The following NRXN1 variants were observed in gnomAD, a reference collection of about 807,000 sequenced individuals.
NRXN1 encodes the protein neurexin-1.
In NRXN1, 39 loss-of-function variants were observed where a neutral mutation model predicts 150.9. That is an observed-to-expected ratio of 0.26 (90% confidence interval 0.20 to 0.34). The LOEUF is 0.34. Ranked by LOEUF, NRXN1 falls within the 10% of genes least tolerant of loss-of-function variation. The probability of loss-of-function intolerance (pLI) is 1.00; values close to 1 mark genes in which losing one functional copy is unlikely to be tolerated. For missense variants in NRXN1, 1,815 were observed against 1,949.9 expected (o/e 0.93, Z 1.30); for synonymous variants, 924 against 757.0 (o/e 1.22, Z -3.62).
chr2:50,182,644 CTCATTCCTTCTTCGAGCTG>C (rs1166098022), intron 18 of NRXN1, among the ~76,000 whole-genome samples: 2 of 152,042 alleles, frequency 1.3e-5, no homozygotes, highest in African/African-American at 4.8e-5. Flanking sequence ...TTAAAACCTG[CTCATTCCTTCTTCGAGCTG>C]TCGCCATCCT....
intron 5 of NRXN1, among the ~76,000 whole-genome samples, chr2:50,794,901 A>T (rs578242583): frequency 1.8e-4 from 28 of 152,266 alleles, no homozygotes; most frequent in African/African-American, 6.5e-4. Context: ...CAGTGAAAAT[A>T]TAATTAGACA....
At chr2:50,198,824 A>G (rs60835435) in intron 18 of NRXN1, among the ~76,000 whole-genome samples, 3,000 of 152,188 alleles carry the variant, frequency 0.02, 104 homozygotes, top group African/African-American at 0.069. Context: ...TTTCTTCTGA[A>G]GAACCCCCTT....
intron 17 of NRXN1, among the ~76,000 whole-genome samples, chr2:50,382,624 T>C (rs1007138540): frequency 6.6e-5 from 10 of 152,152 alleles, no homozygotes; most frequent in African/African-American, 2.4e-4. Context: ...AAGCTTCTCC[T>C]CCTGGACTGG....
At chr2:49,939,549 G>A (rs951610680) in intron 22 of NRXN1, among the ~76,000 whole-genome samples, 15 of 152,150 alleles carry the variant, frequency 9.9e-5, no homozygotes, top group African/African-American at 3.6e-4. Flanking sequence ...AAGTATAATT[G>A]AGTTCCATGT....
chr2:50,876,930 G>T (rs561953982), intron 5 of NRXN1, among the ~76,000 whole-genome samples: 1 of 151,876 alleles, frequency 6.6e-6, no homozygotes, highest in Admixed American at 6.6e-5. Context: ...AAATCTGTTT[G>T]CTTCTGTTAA....
chr2:50,601,233 C>T (rs1676216214), intron 8 of NRXN1, among the ~76,000 whole-genome samples: 1 of 152,040 alleles, frequency 6.6e-6, no homozygotes, highest in Non-Finnish European at 1.5e-5. Context: ...AACATGACTA[C>T]CTACGAGAAA....
At chr2:49,927,451 C>T (rs1482760934) in intron 22 of NRXN1, among the ~76,000 whole-genome samples, 1 of 152,154 alleles carries the variant, frequency 6.6e-6, no homozygotes, top group East Asian at 1.9e-4. Context: ...CATATGCAAA[C>T]AGAAGTTAAA....
intron 5 of NRXN1, among the ~76,000 whole-genome samples, chr2:50,799,582 T>C (rs1180330481): frequency 1.3e-5 from 2 of 152,124 alleles, no homozygotes; most frequent in African/African-American, 4.8e-5. Flanking sequence ...GTACGTCGAG[T>C]ACCCACATAA....
intron 5 of NRXN1, among the ~76,000 whole-genome samples, chr2:50,703,540 T>G (rs1482370399): frequency 2.0e-5 from 3 of 152,144 alleles, no homozygotes; most frequent in Non-Finnish European, 4.4e-5. Context: ...GAAAGGTTCA[T>G]TTAAAGTATG....
In NRXN1 at chr2:51,027,622, C is replaced by G. The variant is rs756078185; in HGVS notation, c.652G>C (p.Glu218Gln). 2 of 1,585,792 alleles carry G rather than the reference C, an allele frequency of 1.3e-6. No individual in the cohort carries two copies. Among genetic ancestry groups the G allele is most frequent in the East Asian group, 2.3e-5 (1 of 42,858 alleles). The change falls in exon 2 of 23, where the codon GAG becomes CAG. Residue 218 changes from glutamate (E) to glutamine (Q), a missense_variant. Transcript: ENST00000401669. ...CCGCCCTCGCCCTCCTCGCCCGCCTCGCACGGGCTTCCCCCGCCGCTGTTG... is the reference window on the plus strand; with the variant it reads ...CCGCCCTCGCCCTCCTCGCCCGCCTGGCACGGGCTTCCCCCGCCGCTGTTG... ...PPNSGGGSPC[E>Q]AGEEGEGGVC...
At chr2:50,418,727 T>C (rs553359545) in intron 17 of NRXN1, among the ~76,000 whole-genome samples, 1 of 152,028 alleles carries the variant, frequency 6.6e-6, no homozygotes, top group Non-Finnish European at 1.5e-5. Flanking sequence ...CCATTATCAA[T>C]GTTTATGCTG....
intron 2 of NRXN1, among the ~76,000 whole-genome samples, chr2:50,993,118 G>A (rs989992859): frequency 1.3e-5 from 2 of 151,862 alleles, no homozygotes; most frequent in African/African-American, 4.8e-5. Context: ...ACATGTATTA[G>A]GAGTAAGTTC....
At chr2:50,846,614 A>C (rs1673693125) in intron 5 of NRXN1, among the ~76,000 whole-genome samples, 1 of 152,334 alleles carries the variant, frequency 6.6e-6, no homozygotes, top group South Asian at 2.1e-4. Flanking sequence ...GACCAACAAA[A>C]ACAGTTCAAA....
intron 19 of NRXN1, among the ~76,000 whole-genome samples, chr2:50,073,763 T>A (rs1406898358): frequency 6.6e-6 from 1 of 152,158 alleles, no homozygotes; most frequent in Non-Finnish European, 1.5e-5. Context: ...AGCATAGGCC[T>A]GTTAATCTCT....
chr2:50,870,448 C>T (rs1042488530), intron 5 of NRXN1, among the ~76,000 whole-genome samples: 2 of 151,932 alleles, frequency 1.3e-5, no homozygotes, highest in Non-Finnish European at 2.9e-5. Context: ...AAGGCATGCA[C>T]CAACACACAT....
At chr2:50,220,733 T>A (rs585144) in intron 18 of NRXN1, among the ~76,000 whole-genome samples, 63,060 of 151,802 alleles carry the variant, frequency 0.42, 13,261 homozygotes, top group Middle Eastern at 0.47. Flanking sequence ...AGCTTTAGAA[T>A]GTATATCAGA....
rs1206441322 is a variant in NRXN1, at chr2:50,329,667, ATATATAT to A, written c.3365-92704_3365-92698del. On this transcript the variant is annotated intron_variant, in intron 17 of 22. Transcript: ENST00000401669. ...TATATATATATATATATATATATAT[ATATATAT>A]TTTTTTTTTTCCCCCCCGAGACGGA... Among the ~76,000 whole-genome samples the A allele has an allele frequency of 6.7e-3, 176 of 26,200 alleles. 7 individuals carry two copies. The highest frequency in any genetic ancestry group is 0.017 in the South Asian group (8 of 484). The allele number at this position is 26,200 out of a possible 152,430, so 17.2% of individuals were successfully genotyped here.
chr2:50,840,917 G>A (rs528814428), intron 5 of NRXN1: 1 of 152,250 alleles, frequency 6.6e-6, no homozygotes, highest in South Asian at 2.1e-4. Context: ...GATGTGTAAC[G>A]CTTACTTCCC....
chr2:50,813,343 T>C (rs1668491943), intron 5 of NRXN1, among the ~76,000 whole-genome samples: 1 of 152,194 alleles, frequency 6.6e-6, no homozygotes, highest in African/African-American at 2.4e-5. Context: ...AGTAAATTAA[T>C]TCTTTATCTT....
Sources: allele counts gnomAD v4.1 joint callset (sites outside exome capture counted in the v4.1 genomes callset), GRCh38; gene constraint gnomAD v4.1.1; transcripts MANE v1.5; gene names NCBI Gene and HGNC (gene_info 2026-07-23, HGNC 2026-07-21).